SCMH1: variants seen among roughly 807,000 people sequenced by gnomAD.
SCMH1 encodes polycomb protein SCMH1.
A neutral mutation model predicts 70.8 loss-of-function variants in SCMH1; 37 were observed. The observed-to-expected ratio is 0.52, with a 90% confidence interval of 0.40 to 0.69. SCMH1 has a LOEUF of 0.69. Ranked by LOEUF, SCMH1 falls within the 30% of genes least tolerant of loss-of-function variation. SCMH1 has a pLI of 0.00. For synonymous variants in SCMH1, 292 were observed against 307.4 expected (o/e 0.95, Z 0.52); for missense variants, 607 against 827.3 (o/e 0.73, Z 3.27).
At chr1:41,201,870 C>T (rs1270429044) in intron 1 of SCMH1, among the ~76,000 whole-genome samples, 1 of 152,080 alleles carries the variant, frequency 6.6e-6, no homozygotes, top group African/African-American at 2.4e-5. Flanking sequence ...CAGAATAGTG[C>T]TCAGTATTTA....
At chr1:41,127,311 AG>A (rs1673446031) in intron 6 of SCMH1, among the ~76,000 whole-genome samples, 1 of 152,012 alleles carries the variant, frequency 6.6e-6, no homozygotes, top group South Asian at 2.1e-4. Context: ...TTTGTCTTTT[AG>A]CTTTGCTTGG....
chr1:41,064,749 TA>T lies in SCMH1; in HGVS notation c.1105+5845del, dbSNP rs199718906. 8.1e-4 allele frequency among the ~76,000 whole-genome samples: 120 copies of T among 148,784 alleles called. 2 individuals are homozygous for T. The East Asian group carries it at 0.02, about 25-fold the overall frequency. ...GCAACATGGCGAGAAACCATCTCTA[TA>T]AAAAAAATAAAAATAAAAAAATTAG... On this transcript the variant is annotated intron_variant, in intron 10 of 14. Transcript: ENST00000337495.
chr1:41,063,180 A>T (rs1334921121), intron 10 of SCMH1, among the ~76,000 whole-genome samples: 1 of 152,072 alleles, frequency 6.6e-6, no homozygotes, highest in African/African-American at 2.4e-5. Flanking sequence ...CAGGAAATCA[A>T]TAGAGGAAAC....
chr1:41,187,164 C>G (rs75149368), intron 1 of SCMH1, among the ~76,000 whole-genome samples: 18 of 152,032 alleles, frequency 1.2e-4, no homozygotes, highest in Non-Finnish European at 2.5e-4. Flanking sequence ...CCCTTTAAGA[C>G]GTTAGGCAGG....
chr1:41,135,272 A>C (rs1468480886), intron 6 of SCMH1, among the ~76,000 whole-genome samples: 1 of 152,144 alleles, frequency 6.6e-6, no homozygotes, highest in African/African-American at 2.4e-5. Flanking sequence ...GCCACTAGCC[A>C]CATCAGGCCT....
chr1:41,125,858 T>C (rs761681402), intron 6 of SCMH1, among the ~76,000 whole-genome samples: 2 of 152,158 alleles, frequency 1.3e-5, no homozygotes, highest in Non-Finnish European at 2.9e-5. Flanking sequence ...ATTACAGGTG[T>C]ATCAGGTGAT....
At chr1:41,098,934 C>A in intron 8 of SCMH1, 1 of 260,960 alleles carries the variant, frequency 3.8e-6, no homozygotes, top group South Asian at 5.5e-5. Flanking sequence ...ACTGGGTCAG[C>A]CATGAAGAAG....
At chr1:41,107,880 C>T (rs921269857) in intron 8 of SCMH1, among the ~76,000 whole-genome samples, 1 of 152,076 alleles carries the variant, frequency 6.6e-6, no homozygotes, top group African/African-American at 2.4e-5. Flanking sequence ...GGCATAATTT[C>T]GTATGTGGTT....
intron 1 of SCMH1, among the ~76,000 whole-genome samples, chr1:41,200,199 C>T (rs1230097599): frequency 1.3e-5 from 2 of 151,926 alleles, no homozygotes; most frequent in African/African-American, 2.4e-5. Flanking sequence ...TGCTTGTGGC[C>T]GGGTGCAGTG....
chr1:41,164,057 TTTAC>T (rs1646250836), intron 2 of SCMH1, among the ~76,000 whole-genome samples: 1 of 152,176 alleles, frequency 6.6e-6, no homozygotes, highest in Admixed American at 6.5e-5. Context: ...CTATCATGTC[TTTAC>T]TTAATTTCTT....
chr1:41,100,605 G>A (rs890750598), intron 8 of SCMH1, among the ~76,000 whole-genome samples: 3 of 127,378 alleles, frequency 2.4e-5, no homozygotes, highest in Non-Finnish European at 4.8e-5. Context: ...TCACTCTATT[G>A]CCCATGCTGG....
At chr1:41,063,132 C>T (rs1197739400) in intron 10 of SCMH1, among the ~76,000 whole-genome samples, 2 of 151,820 alleles carry the variant, frequency 1.3e-5, no homozygotes, top group Middle Eastern at 6.8e-3. Context: ...AATAAAAAAT[C>T]GTAAAGATTA....
chr1:41,140,966 T>C (rs12736222), intron 6 of SCMH1, among the ~76,000 whole-genome samples: 7 of 152,192 alleles, frequency 4.6e-5, no homozygotes, highest in Middle Eastern at 3.2e-3. Context: ...GTTTTGAGCT[T>C]ATGATACTAA....
intron 4 of SCMH1, among the ~76,000 whole-genome samples, chr1:41,156,332 G>A (rs987903651): frequency 6.6e-6 from 1 of 152,156 alleles, no homozygotes; most frequent in Admixed American, 6.5e-5. Context: ...AACATCTTTA[G>A]ATCAGAAATT....
intron 8 of SCMH1, among the ~76,000 whole-genome samples, chr1:41,081,932 T>A (rs1660157606): frequency 6.6e-6 from 1 of 152,126 alleles, no homozygotes. Context: ...TTATGATAAA[T>A]GTGCCCTTGC....
chr1:41,221,527 G>GTTAT (rs995458204), intron 1 of SCMH1, among the ~76,000 whole-genome samples: 4 of 149,992 alleles, frequency 2.7e-5, no homozygotes, highest in Non-Finnish European at 4.4e-5. Context: ...AATAAATTTT[G>GTTAT]TTATATATAT....
intron 4 of SCMH1, among the ~76,000 whole-genome samples, chr1:41,154,114 C>G (rs1187817699): frequency 2.0e-5 from 3 of 152,156 alleles, no homozygotes; most frequent in Non-Finnish European, 4.4e-5. Context: ...TGGATTTGAC[C>G]TCCCAATAGT....
intron 2 of SCMH1, among the ~76,000 whole-genome samples, chr1:41,163,278 C>T (rs1415294588): frequency 1.3e-5 from 2 of 152,098 alleles, no homozygotes; most frequent in Non-Finnish European, 1.5e-5. Context: ...TGTCTGACTG[C>T]GCAGTAGATG....
intron 1 of SCMH1, among the ~76,000 whole-genome samples, chr1:41,206,425 C>G (rs1377606933): frequency 1.3e-5 from 2 of 152,020 alleles, no homozygotes; most frequent in East Asian, 3.8e-4. Context: ...CCGATTTGAC[C>G]AAGTGGAAGA....
Sources: gnomAD v4.1 joint callset for allele counts (sites outside exome capture counted in the v4.1 genomes callset) on GRCh38, gnomAD v4.1.1 for gene constraint, MANE v1.5 for transcripts, NCBI Gene and HGNC (gene_info 2026-07-23, HGNC 2026-07-21) for gene names.